The following A1CF variants were observed in gnomAD, a reference collection of about 807,000 sequenced individuals.
The protein encoded by A1CF is APOBEC-1 stimulating protein.
A neutral mutation model predicts 68.9 loss-of-function variants in A1CF; 48 were observed. The ratio of observed to expected loss-of-function variants is 0.70; its 90% CI spans 0.55 to 0.89. A1CF has a LOEUF of 0.89. Ranked by LOEUF, A1CF falls within the 40% of genes least tolerant of loss-of-function variation. A1CF has a pLI of 0.00. For synonymous variants in A1CF, 272 were observed against 260.4 expected, an observed-to-expected ratio of 1.04 and a Z score of -0.43; for missense variants, 653 against 718.9, an observed-to-expected ratio of 0.91 and a Z score of 1.05.
At chr10:50,815,905 G>A in intron 9 of A1CF, 101 bp downstream of exon 9, 2 of 1,347,766 alleles carry the variant, frequency 1.5e-6, no homozygotes, top group East Asian at 2.3e-5. Context: ...ATTTTTCAGT[G>A]CTTTTCTCCA....
In A1CF at chr10:50,800,175, G is replaced by A. The variant is rs938610912; in HGVS notation, c.*6554C>T. 2 of 152,098 alleles carry A rather than the reference G, an allele frequency of 1.3e-5. No homozygotes were observed. The highest frequency in any genetic ancestry group is 6.6e-5 in the Admixed American group (1 of 15,264). 9.4% of individuals were successfully genotyped at this position (152,098 alleles called of 1,614,324 possible). ...CAAAATGTTTTCAAGTAAATAAAAT[G>A]TATAGGTACCTGCTCATTAACATCA... On this transcript the variant is annotated 3_prime_UTR_variant, in exon 13 of 13. Coordinates refer to ENST00000373997, the MANE Select transcript of A1CF (RefSeq NM_014576.4).
intron 12 of A1CF, among the ~76,000 whole-genome samples, chr10:50,807,628 T>C (rs1333702471): frequency 6.6e-6 from 1 of 152,184 alleles, no homozygotes; most frequent in Non-Finnish European, 1.5e-5. Context: ...GTTAGCATTG[T>C]GTCTAGTGGA....
intron 7 of A1CF, chr10:50,823,566 T>G (rs1838777808): frequency 6.6e-6 from 1 of 152,114 alleles, no homozygotes; most frequent in Admixed American, 6.6e-5. Flanking sequence ...AGAATCCACT[T>G]TGCCTGGAAA....
At chr10:50,820,733 G>A (rs1838611472) in intron 7 of A1CF, 84 bp from the exon 8 acceptor site, 9 of 1,122,266 alleles carry the variant, frequency 8.0e-6, no homozygotes, top group Non-Finnish European at 1.1e-5. Flanking sequence ...GCTGCAAAGA[G>A]TATTTGATTT....
At chr10:50,817,117 G>C (rs1838410363) in intron 8 of A1CF, among the ~76,000 whole-genome samples, 1 of 152,060 alleles carries the variant, frequency 6.6e-6, no homozygotes, top group African/African-American at 2.4e-5. Flanking sequence ...ATCTACGTGT[G>C]CTACTAACTT....
intron 7 of A1CF, among the ~76,000 whole-genome samples, chr10:50,821,637 G>T (rs1453818221): frequency 4.6e-5 from 7 of 151,790 alleles, no homozygotes; most frequent in Non-Finnish European, 8.8e-5. Context: ...CCTGGTTCAA[G>T]CGATTCTTCT....
At chr10:50,815,657 TG>T (rs1399859169) in intron 9 of A1CF, among the ~76,000 whole-genome samples, 1 of 152,176 alleles carries the variant, frequency 6.6e-6, no homozygotes, top group Non-Finnish European at 1.5e-5. Context: ...ATTCCAGAAG[TG>T]TTGTAATGAG....
Position 50,867,151 on chromosome 10 carries a change from C to T in A1CF, c.-93-3071G>A, listed in dbSNP as rs574477273. Among the ~76,000 whole-genome samples the T allele has an allele frequency of 7.9e-5, 12 of 151,786 alleles. No homozygotes were observed. In the South Asian group the frequency reaches 2.3e-3, roughly 29 times the overall value. ...GCTTGGCAAAAACAGAACTAGAAAT[C>T]GTAGTTGGGCACTACTGGGTATCTA... On this transcript the variant is annotated intron_variant, in intron 1 of 12. Transcript: ENST00000373997.
intron 12 of A1CF, 31 bp from the exon 13 acceptor site, chr10:50,806,911 A>C (rs1405669288): frequency 6.3e-7 from 1 of 1,590,206 alleles, no homozygotes; most frequent in African/African-American, 1.4e-5. Context: ...AACTTGATGA[A>C]AGGAATTCAC....
intron 7 of A1CF, among the ~76,000 whole-genome samples, chr10:50,826,387 G>A (rs986787208): frequency 6.6e-6 from 1 of 152,024 alleles, no homozygotes; most frequent in African/African-American, 2.4e-5. Context: ...TAAAGTTATG[G>A]GAAGTCATCT....
At chr10:50,850,592 TTGTGTG>T (rs58342464) in intron 3 of A1CF, 5 of 1,448,406 alleles carry the variant, frequency 3.5e-6, no homozygotes, top group Non-Finnish European at 4.8e-6. Flanking sequence ...CAAAAAGCAT[TTGTGTG>T]TGTGTGTGTG....
At chr10:50,834,142 G>A (rs1286552709) in intron 6 of A1CF, among the ~76,000 whole-genome samples, 1 of 152,188 alleles carries the variant, frequency 6.6e-6, no homozygotes, top group Non-Finnish European at 1.5e-5. Context: ...TGAAGAGATA[G>A]GGAAGCTTTC....
intron 4 of A1CF, 82 bp from the exon 5 acceptor site, chr10:50,842,074 AAC>A (rs145488676): frequency 5.5e-3 from 6,557 of 1,194,764 alleles, no homozygotes; most frequent in Middle Eastern, 6.7e-3. Context: ...TACACACACA[AAC>A]ACACACACAC....
intron 9 of A1CF, among the ~76,000 whole-genome samples, chr10:50,815,486 G>T (rs1838321269): frequency 6.6e-6 from 1 of 152,100 alleles, no homozygotes; most frequent in Non-Finnish European, 1.5e-5. Context: ...TTTCCTGGAG[G>T]AGGTCAGATG....
intron 1 of A1CF, among the ~76,000 whole-genome samples, chr10:50,882,129 T>C (rs1841804290): frequency 6.6e-6 from 1 of 152,292 alleles, no homozygotes. Context: ...TTAAAAATTC[T>C]AAGTGGTCAT....
chr10:50,836,257 C>T lies in A1CF; in HGVS notation c.421G>A (p.Gly141Arg), dbSNP rs1038673138. ...CTCTTTTTGGTTTTTGGGATGCCCC[C>T]AACAAATAATCGGCAGTTGTCCACA... is the stretch of plus-strand genomic sequence containing the variant. The part of the protein sequence containing the change: ...ASVDNCRLFV[G>R]GIPKTKKREE... The change falls in exon 6 of 13, where the codon GGG becomes AGG. Residue 141 changes from glycine to arginine, a missense_variant. Physicochemically the swap from Gly to Arg is moderately radical, Grantham distance 125. Coordinates refer to ENST00000373997, the MANE Select transcript of A1CF (RefSeq NM_014576.4). 4.3e-6 allele frequency: 7 copies of T among 1,613,852 alleles called. No individual in the cohort carries two copies. The African/African-American group carries it at 8.0e-5, about 18-fold the overall frequency.
Position 50,812,460 on chromosome 10 carries a change from A to G in A1CF, c.1324-1284T>C, listed in dbSNP as rs1442880488. Among the ~76,000 whole-genome samples, 21 of 152,248 alleles carry G rather than the reference A, an allele frequency of 1.4e-4. 1 individual carries two copies. The highest frequency in any genetic ancestry group is 1.4e-3 in the Admixed American group (21 of 15,284). On this transcript the variant is annotated intron_variant, in intron 10 of 12. Transcript: ENST00000373997. Reference sequence around the variant, plus strand: ...TGTTACTCACATACTAATAAAAGACATGATGAATTTCTAACTTGAGTTTAA... The same window carrying G: ...TGTTACTCACATACTAATAAAAGACGTGATGAATTTCTAACTTGAGTTTAA...
intron 1 of A1CF, among the ~76,000 whole-genome samples, chr10:50,873,225 G>C (rs897314093): frequency 3.3e-5 from 5 of 151,814 alleles, no homozygotes; most frequent in African/African-American, 1.2e-4. Context: ...CAAAATGCTG[G>C]GATTATAGGT....
intron 1 of A1CF, among the ~76,000 whole-genome samples, chr10:50,869,142 A>G (rs893628343): frequency 6.6e-6 from 1 of 152,158 alleles, no homozygotes; most frequent in African/African-American, 2.4e-5. Context: ...TTAAAAAAAA[A>G]AGTTAAAAAA....
Sources: gnomAD v4.1 joint callset for allele counts (sites outside exome capture counted in the v4.1 genomes callset) on GRCh38, gnomAD v4.1.1 for gene constraint, MANE v1.5 for transcripts, NCBI Gene and HGNC (gene_info 2026-07-23, HGNC 2026-07-21) for gene names.